The following TUBB3 variants were observed in gnomAD, a reference collection of about 807,000 sequenced individuals.
TUBB3 encodes tubulin beta 3 class III.
Under a neutral mutation model 37.8 loss-of-function variants are expected in TUBB3, and 17 were observed. That is an observed-to-expected ratio of 0.45 (90% CI 0.31 to 0.67). The LOEUF (loss-of-function observed/expected upper bound fraction) is 0.67. Ranked by LOEUF, TUBB3 falls within the 30% of genes least tolerant of loss-of-function variation. TUBB3 has a pLI of 0.07. For missense variants in TUBB3, 262 were observed against 657.9 expected (o/e 0.40, Z 6.58); for synonymous variants, 332 against 278.9 (o/e 1.19, Z -1.90).
At chr16:89,922,665 AG>A (rs1234795497), upstream of TUBB3, 2 of 152,086 alleles carry the variant, frequency 1.3e-5, no homozygotes, top group Non-Finnish European at 2.9e-5. Flanking sequence ...GGGCCCACAA[AG>A]CTCCTTTGGA....
intron 1 of TUBB3, among the ~76,000 whole-genome samples, chr16:89,925,127 T>G (rs2030028520): frequency 6.6e-6 from 1 of 152,154 alleles, no homozygotes; most frequent in Non-Finnish European, 1.5e-5. Flanking sequence ...CAGGTGCACA[T>G]GCAGACATCC....
At chr16:89,934,340 T>TGGTAGATGCCAACTCGCATCCAGCC (rs2030378576) in intron 3 of TUBB3, 1 of 487,990 alleles carries the variant, frequency 2.0e-6, no homozygotes, top group Non-Finnish European at 4.0e-6. Context: ...CACATCCAGC[T>TGGTAGATGCCAACTCGCATCCAGCC]GGTAGATGCC....
At chr16:89,923,333 TC>T, upstream of TUBB3, 5 of 1,343,094 alleles carry the variant, frequency 3.7e-6, no homozygotes, top group Non-Finnish European at 3.9e-6. Context: ...GCGGCCGCGG[TC>T]CCCGACCCTC....
At chr16:89,933,317 A>T (rs2030337570) in intron 2 of TUBB3, 151 bp from the exon 3 acceptor site, 2 of 782,490 alleles carry the variant, frequency 2.6e-6, no homozygotes, top group Admixed American at 3.5e-5. Flanking sequence ...AAAGTTGCTG[A>T]AGCTTGCCTT....
At position 89,923,471 on chromosome 16, in the gene TUBB3, GC is replaced by G; in HGVS notation, c.57+17del. 1 of 1,469,746 alleles carries G rather than the reference GC, an allele frequency of 6.8e-7. No homozygotes were observed. The allele number at this position is 1,469,746 out of a possible 1,614,324, so 91.0% of individuals were successfully genotyped here. A position where few individuals can be genotyped will look rare whatever the true frequency, so the allele number is the denominator to read the frequency against. The stretch of plus-strand genomic sequence containing the variant: ...GATCGGGGCCAAGGTGAGGCTGCGC[GC>G]CCCGGCCTGTCCCGGGCCCCGGGGC... On this transcript the variant is annotated intron_variant, in intron 1 of 3. Transcript: ENST00000315491.
intron 1 of TUBB3, among the ~76,000 whole-genome samples, chr16:89,924,343 G>A (rs971951383): frequency 9.2e-5 from 14 of 152,334 alleles, no homozygotes; most frequent in African/African-American, 3.1e-4. Flanking sequence ...AGGTGCGAGA[G>A]AGCTGGGCTG....
chr16:89,932,543 G>A lies in TUBB3; in HGVS notation c.58-28G>A, dbSNP rs752708567. The A allele has an allele frequency of 3.6e-5, 57 of 1,594,038 alleles. No homozygotes were observed. In the Admixed American group the frequency reaches 5.7e-4, roughly 16 times the overall value. On this transcript the variant is annotated intron_variant, in intron 1 of 3. Coordinates refer to ENST00000315491, the MANE Select transcript of TUBB3 (RefSeq NM_006086.4). ...CTGGCTGGGGCTATGGGCCGGTGCC[G>A]ACCCCCCCTCTCCCACTTTGTTTGC... is the stretch of plus-strand genomic sequence containing the variant.
intron 3 of TUBB3, 57 bp downstream of exon 3, chr16:89,933,635 T>C (rs766973000): frequency 7.2e-7 from 1 of 1,382,758 alleles, no homozygotes; most frequent in Admixed American, 1.7e-5. Flanking sequence ...CAAGCCCAGG[T>C]CGGTGGACGG....
Position 89,935,980 on chromosome 16 carries a change from T to A in TUBB3, c.*176T>A, listed in dbSNP as rs2030444495. ...CTCCCCACCTAGGCCACGTGTGAGC[T>A]GCTCCTGTCTCTGTCTTATTGCAGC... is the stretch of plus-strand genomic sequence containing the variant. On this transcript the variant is annotated 3_prime_UTR_variant, in exon 4 of 4. Transcript: ENST00000315491. 1 of 737,472 alleles carries A rather than the reference T, an allele frequency of 1.4e-6. No homozygotes were observed. Among genetic ancestry groups the A allele is most frequent in the African/African-American group, 1.8e-5 (1 of 56,372 alleles). The allele number at this position is 737,472 out of a possible 1,614,324, so 45.7% of individuals were successfully genotyped here. A position where few individuals can be genotyped will look rare whatever the true frequency, so the allele number is the denominator to read the frequency against.
chr16:89,926,798 A>G (rs7186811), intron 1 of TUBB3, among the ~76,000 whole-genome samples: 2 of 151,148 alleles, frequency 1.3e-5, no homozygotes, highest in Admixed American at 6.6e-5. Context: ...GCTCATTGCA[A>G]CCTCCACTTC....
At chr16:89,923,319 G>A (rs1206635880), upstream of TUBB3, 62 of 1,207,744 alleles carry the variant, frequency 5.1e-5, no homozygotes, top group East Asian at 1.2e-3. Context: ...GGCTATAAGA[G>A]CGCGCGGCCG....
At chr16:89,930,470 C>G (rs2030244132) in intron 1 of TUBB3, among the ~76,000 whole-genome samples, 1 of 151,962 alleles carries the variant, frequency 6.6e-6, no homozygotes, top group South Asian at 2.1e-4. Flanking sequence ...GTCGCCCACG[C>G]TGGAGTACAG....
intron 1 of TUBB3, chr16:89,932,241 AT>A (rs1234433921): frequency 2.4e-6 from 1 of 416,712 alleles, no homozygotes; most frequent in Non-Finnish European, 4.5e-6. Context: ...CAAGGTGTTT[AT>A]TACCAATGCC....
At position 89,932,336 on chromosome 16, in the gene TUBB3, C is replaced by G. The variant is rs28521461; in HGVS notation, c.58-235C>G. ...GGACCTGGGTGTGGGTCTGTTGAAC[C>G]TTGGCCCACCCTGGGGCTGTGGTCG... On this transcript the variant is annotated intron_variant, in intron 1 of 3. Transcript: ENST00000315491. Among the ~76,000 whole-genome samples the G allele has an allele frequency of 0.2, 31,206 of 152,226 alleles. 5,822 individuals are homozygous for G. Among genetic ancestry groups the G allele is most frequent in the African/African-American group, 0.5 (20,639 of 41,502 alleles).
intron 1 of TUBB3, 93 bp from the exon 2 acceptor site, chr16:89,932,478 T>G: frequency 3.8e-6 from 4 of 1,065,050 alleles, no homozygotes; most frequent in Non-Finnish European, 5.8e-6. Context: ...AAAGCCCTAA[T>G]TTTGTAGTGA....
At chr16:89,931,116 T>G (rs1046184064) in intron 1 of TUBB3, among the ~76,000 whole-genome samples, 14 of 152,140 alleles carry the variant, frequency 9.2e-5, no homozygotes, top group African/African-American at 3.4e-4. Context: ...CATGAGCCAC[T>G]GTACCTGGCC....
chr16:89,923,995 C>T (rs2029978959), intron 1 of TUBB3, among the ~76,000 whole-genome samples: 1 of 152,186 alleles, frequency 6.6e-6, no homozygotes, highest in Non-Finnish European at 1.5e-5. Context: ...CCACCCTGTC[C>T]CTTTGTTGGA....
At chr16:89,923,968 C>T (rs1332193189) in intron 1 of TUBB3, among the ~76,000 whole-genome samples, 1 of 152,140 alleles carries the variant, frequency 6.6e-6, no homozygotes, top group Non-Finnish European at 1.5e-5. Flanking sequence ...GCTCCGACAC[C>T]CCTCGGCGTC....
chr16:89,928,350 C>T (rs893510650), intron 1 of TUBB3, among the ~76,000 whole-genome samples: 2 of 151,608 alleles, frequency 1.3e-5, no homozygotes, highest in Non-Finnish European at 2.9e-5. Flanking sequence ...GCCACCATGG[C>T]CAGCTGATTT....
Sources: allele counts gnomAD v4.1 joint callset (sites outside exome capture counted in the v4.1 genomes callset), GRCh38; gene constraint gnomAD v4.1.1; transcripts MANE v1.5; gene names NCBI Gene and HGNC (gene_info 2026-07-23, HGNC 2026-07-21).